Variants in GPR39 observed in about 807,000 individuals in gnomAD.
GPR39 encodes the protein zinc sensing receptor.
In GPR39, 23 loss-of-function variants were observed where a neutral mutation model predicts 18.4. The ratio of observed to expected loss-of-function variants is 1.25; its 90% CI spans 0.90 to 1.77. GPR39 has a LOEUF of 1.77. Ranked by LOEUF, GPR39 falls within the 40% of genes most tolerant of loss-of-function variation. The pLI is 0.00. For synonymous variants in GPR39, 280 were observed against 257.9 expected (o/e 1.09, Z -0.82); for missense variants, 647 against 602.4 (o/e 1.07, Z -0.78).
intron 1 of GPR39, among the ~76,000 whole-genome samples, chr2:132,563,909 C>A (rs781756786): frequency 3.9e-5 from 6 of 152,194 alleles, no homozygotes; most frequent in African/African-American, 1.2e-4. Flanking sequence ...CCCACCCCAA[C>A]CATGGACATG....
At chr2:132,563,139 A>G (rs1161137170) in intron 1 of GPR39, among the ~76,000 whole-genome samples, 1 of 152,170 alleles carries the variant, frequency 6.6e-6, no homozygotes, top group African/African-American at 2.4e-5. Flanking sequence ...TCAAAAGGGG[A>G]GTGTAGTTCA....
At chr2:132,471,400 A>G (rs1316079574) in intron 1 of GPR39, among the ~76,000 whole-genome samples, 2 of 152,140 alleles carry the variant, frequency 1.3e-5, no homozygotes, top group South Asian at 2.1e-4. Context: ...CTTCAAGCTC[A>G]GTGGAAGCTT....
chr2:132,458,236 T>A (rs533531514), intron 1 of GPR39, among the ~76,000 whole-genome samples: 2 of 152,340 alleles, frequency 1.3e-5, no homozygotes, highest in Non-Finnish European at 1.5e-5. Context: ...AGCTGCAGAC[T>A]GGAGCTGTTC....
chr2:132,584,892 A>G (rs1171036305), intron 1 of GPR39, among the ~76,000 whole-genome samples: 2 of 152,168 alleles, frequency 1.3e-5, no homozygotes, highest in Non-Finnish European at 2.9e-5. Flanking sequence ...TTTAACAGTG[A>G]GAGAGAGCAT....
intron 1 of GPR39, among the ~76,000 whole-genome samples, chr2:132,535,194 T>TC (rs1476122650): frequency 6.6e-6 from 1 of 152,154 alleles, no homozygotes; most frequent in Non-Finnish European, 1.5e-5. Context: ...TGATATCAGC[T>TC]ATGGGTATGT....
chr2:132,623,717 T>C (rs555317906), intron 1 of GPR39, among the ~76,000 whole-genome samples: 25 of 152,318 alleles, frequency 1.6e-4, no homozygotes, highest in Admixed American at 1.5e-3. Context: ...CTGTTGTCTC[T>C]TCTAGCTGGA....
intron 1 of GPR39, among the ~76,000 whole-genome samples, chr2:132,493,488 CATATATATATATACACCAT>C (rs1178803574): frequency 5.4e-4 from 63 of 117,474 alleles, no homozygotes; most frequent in South Asian, 1.2e-3. Context: ...ATATATACAC[CATATATATATATACACCAT>C]ATATATATAT....
chr2:132,562,137 G>A (rs1421879817), intron 1 of GPR39, among the ~76,000 whole-genome samples: 1 of 151,900 alleles, frequency 6.6e-6, no homozygotes, highest in Non-Finnish European at 1.5e-5. Flanking sequence ...AATTTCTGAG[G>A]GTGAGGCCCA....
intron 1 of GPR39, among the ~76,000 whole-genome samples, chr2:132,573,806 C>A (rs1238072688): frequency 1.3e-5 from 2 of 152,088 alleles, no homozygotes; most frequent in African/African-American, 4.8e-5. Flanking sequence ...GAATTACCTT[C>A]ATCAGGGGAA....
At chr2:132,614,249 C>T (rs772080289) in intron 1 of GPR39, among the ~76,000 whole-genome samples, 3 of 151,780 alleles carry the variant, frequency 2.0e-5, no homozygotes, top group Non-Finnish European at 4.4e-5. Context: ...CTCTGTCGCA[C>T]AGACTGGAGT....
chr2:132,442,168 G>A (rs1325983443), intron 1 of GPR39, among the ~76,000 whole-genome samples: 12 of 152,178 alleles, frequency 7.9e-5, no homozygotes, highest in Admixed American at 7.2e-4. Flanking sequence ...AAAAAGGGAC[G>A]TGATTGTTCA....
intron 1 of GPR39, among the ~76,000 whole-genome samples, chr2:132,568,372 T>C (rs879903055): frequency 2.6e-5 from 4 of 151,994 alleles, no homozygotes; most frequent in South Asian, 2.1e-4. Context: ...CCAGAGGACA[T>C]AGATTTCTAT....
chr2:132,525,812 G>A (rs1049287813), intron 1 of GPR39, among the ~76,000 whole-genome samples: 1 of 152,170 alleles, frequency 6.6e-6, no homozygotes, highest in African/African-American at 2.4e-5. Flanking sequence ...GTCCCTTCAT[G>A]TTGTTTATTC....
chr2:132,492,603 A>G (rs1681503323), intron 1 of GPR39, among the ~76,000 whole-genome samples: 1 of 143,292 alleles, frequency 7.0e-6, no homozygotes, highest in East Asian at 2.1e-4. Flanking sequence ...TATACCATAT[A>G]TACACACCAT....
chr2:132,492,189 TAC>T (rs1426364762), intron 1 of GPR39, among the ~76,000 whole-genome samples: 1 of 145,842 alleles, frequency 6.9e-6, no homozygotes, highest in Non-Finnish European at 1.5e-5. Context: ...ACCATATATA[TAC>T]ATACCATATA....
intron 1 of GPR39, among the ~76,000 whole-genome samples, chr2:132,574,274 T>G (rs1457474535): frequency 6.6e-6 from 1 of 152,216 alleles, no homozygotes; most frequent in Non-Finnish European, 1.5e-5. Flanking sequence ...TATTGCCAAT[T>G]TGGTAGGTAA....
intron 1 of GPR39, among the ~76,000 whole-genome samples, chr2:132,643,786 T>C (rs1194272732): frequency 6.6e-6 from 1 of 152,190 alleles, no homozygotes. Context: ...TCCCAGAGTA[T>C]TGAGATATCA....
chr2:132,566,754 G>C (rs1266188425), intron 1 of GPR39, among the ~76,000 whole-genome samples: 1 of 152,202 alleles, frequency 6.6e-6, no homozygotes, highest in East Asian at 1.9e-4. Flanking sequence ...CCGGCTTCAC[G>C]CACTGTGGTA....
intron 1 of GPR39, among the ~76,000 whole-genome samples, chr2:132,522,262 AT>A (rs1196710409): frequency 5.9e-5 from 9 of 151,960 alleles, no homozygotes; most frequent in Non-Finnish European, 7.4e-5. Context: ...CAAACTCATA[AT>A]TTTTCCTCTA....
Sources: gnomAD v4.1 joint callset for allele counts (sites outside exome capture counted in the v4.1 genomes callset) on GRCh38, gnomAD v4.1.1 for gene constraint, MANE v1.5 for transcripts, NCBI Gene and HGNC (gene_info 2026-07-23, HGNC 2026-07-21) for gene names.